The following ITIH5 variants were observed in gnomAD, a reference collection of about 807,000 sequenced individuals.
ITIH5 encodes the protein inter-alpha-trypsin inhibitor heavy chain 5.
A neutral mutation model predicts 77.5 loss-of-function variants in ITIH5; 65 were observed. The observed-to-expected ratio is 0.84, with a 90% confidence interval of 0.69 to 1.03. The LOEUF (loss-of-function observed/expected upper bound fraction) is 1.03. ITIH5 is among the 50% of genes least tolerant of loss of function. The pLI, the probability that ITIH5 is intolerant of heterozygous loss-of-function variation, is 0.00. For synonymous variants in ITIH5, 525 were observed against 494.3 expected (o/e 1.06, Z -0.82); for missense variants, 1,208 against 1,213.1 (o/e 1.00, Z 0.06).
At chr10:7,642,947 G>A (rs1485992804) in intron 2 of ITIH5, among the ~76,000 whole-genome samples, 2 of 152,212 alleles carry the variant, frequency 1.3e-5, no homozygotes, top group Non-Finnish European at 2.9e-5. Context: ...GAATACACAT[G>A]TTGAAGCCCT....
intron 2 of ITIH5, among the ~76,000 whole-genome samples, chr10:7,644,621 TATCACATATATCA>T (rs1156776668): frequency 1.5e-5 from 2 of 131,578 alleles, no homozygotes; most frequent in Non-Finnish European, 3.1e-5. Flanking sequence ...ATCACATATA[TATCACATATATCA>T]CATATATATC....
chr10:7,594,739 G>T (rs1373935825), intron 7 of ITIH5, among the ~76,000 whole-genome samples: 1 of 152,146 alleles, frequency 6.6e-6, no homozygotes, highest in Non-Finnish European at 1.5e-5. Context: ...GAAACCAAGG[G>T]GATGGGGTTA....
At chr10:7,644,371 TATATATCACATATATCACATATATCAC>T (rs71383930) in intron 2 of ITIH5, among the ~76,000 whole-genome samples, 2 of 139,588 alleles carry the variant, frequency 1.4e-5, no homozygotes, top group African/African-American at 2.7e-5. Context: ...ATATATCACA[TATATATCACATATATCACATATATCAC>T]ATATATCACA....
intron 9 of ITIH5, among the ~76,000 whole-genome samples, chr10:7,579,393 T>C (rs113719862): frequency 0.019 from 2,820 of 152,160 alleles, 91 homozygotes; most frequent in African/African-American, 0.066. Context: ...GGCGTGGTGG[T>C]GTGTGACTGT....
At chr10:7,599,020 T>C (rs1832963216) in intron 7 of ITIH5, among the ~76,000 whole-genome samples, 1 of 152,258 alleles carries the variant, frequency 6.6e-6, no homozygotes, top group South Asian at 2.1e-4. Context: ...CTTTGACAAG[T>C]GTATCAAACA....
intron 1 of ITIH5, among the ~76,000 whole-genome samples, chr10:7,659,092 T>G (rs1834234466): frequency 6.6e-6 from 1 of 152,022 alleles, no homozygotes; most frequent in Non-Finnish European, 1.5e-5. Context: ...TAAAATGAGG[T>G]GAGGCTGGGC....
At chr10:7,649,395 C>CT (rs1834058967) in intron 2 of ITIH5, among the ~76,000 whole-genome samples, 2 of 151,474 alleles carry the variant, frequency 1.3e-5, no homozygotes, top group African/African-American at 2.4e-5. Context: ...ACATGTTGTT[C>CT]TTTTTTTACC....
chr10:7,645,894 CAG>C (rs1834002712), intron 2 of ITIH5, among the ~76,000 whole-genome samples: 1 of 152,128 alleles, frequency 6.6e-6, no homozygotes, highest in Non-Finnish European at 1.5e-5. Flanking sequence ...ATGATCTTAA[CAG>C]CATGACAACC....
chr10:7,628,381 C>A (rs1413034076), intron 5 of ITIH5, among the ~76,000 whole-genome samples: 1 of 152,212 alleles, frequency 6.6e-6, no homozygotes, highest in Non-Finnish European at 1.5e-5. Flanking sequence ...ACACATGTGA[C>A]CTTTTCAGTC....
At chr10:7,585,516 C>T (rs1372855033) in intron 8 of ITIH5, among the ~76,000 whole-genome samples, 1 of 152,186 alleles carries the variant, frequency 6.6e-6, no homozygotes, top group Non-Finnish European at 1.5e-5. Context: ...TCCACCTGCC[C>T]CTGCCCAAGG....
At chr10:7,608,432 A>G (rs1833175901) in intron 7 of ITIH5, among the ~76,000 whole-genome samples, 1 of 152,168 alleles carries the variant, frequency 6.6e-6, no homozygotes, top group Non-Finnish European at 1.5e-5. Context: ...GATGTGGGCC[A>G]TCATGCCTGG....
intron 8 of ITIH5, among the ~76,000 whole-genome samples, chr10:7,582,416 A>C (rs1469330458): frequency 1.3e-5 from 2 of 151,756 alleles, no homozygotes; most frequent in Non-Finnish European, 2.9e-5. Context: ...TTACCAAGTA[A>C]AGCAGAGACC....
At chr10:7,640,915 G>C (rs1192228968) in intron 3 of ITIH5, 60 bp from the exon 4 acceptor site, 2 of 1,094,952 alleles carry the variant, frequency 1.8e-6, no homozygotes, top group Non-Finnish European at 2.8e-6. Context: ...TTCAGACATG[G>C]ATCTTATAAC....
In ITIH5 at chr10:7,566,375, G is replaced by A; in HGVS notation, c.2182C>T (p.Pro728Ser). ...VTVNGELIGA[P>S]APPNGHKKQR... ...TTCTTGTGGCCATTTGGAGGGGCGGGTGCCCCAATTAACTCTCCGTTCACT... is the reference window on the plus strand; with the variant it reads ...TTCTTGTGGCCATTTGGAGGGGCGGATGCCCCAATTAACTCTCCGTTCACT... The change falls in exon 13 of 14, where the codon CCC (proline) becomes TCC (serine). Residue 728 changes from proline to serine, a missense_variant. Pro to Ser is a moderately conservative substitution (Grantham distance 74). Transcript: ENST00000397146. The A allele has an allele frequency of 6.2e-7, 1 of 1,602,982 alleles. No individual in the cohort carries two copies. The highest frequency in any genetic ancestry group is 8.5e-7 in the Non-Finnish European group (1 of 1,170,746).
At chr10:7,572,771 CT>C (rs528912890) in intron 11 of ITIH5, 113 of 88,328 alleles carry the variant, frequency 1.3e-3, no homozygotes, top group African/African-American at 3.7e-3. Flanking sequence ...TGGTTTTACA[CT>C]TTTTTTTTTT....
At chr10:7,582,911 A>G (rs915910479) in intron 8 of ITIH5, among the ~76,000 whole-genome samples, 1 of 152,182 alleles carries the variant, frequency 6.6e-6, no homozygotes, top group Admixed American at 6.5e-5. Flanking sequence ...AAGAATGAAG[A>G]CGATCTAGTA....
chr10:7,602,867 T>C (rs1270117508), intron 7 of ITIH5, among the ~76,000 whole-genome samples: 3 of 152,190 alleles, frequency 2.0e-5, no homozygotes, highest in Non-Finnish European at 4.4e-5. Flanking sequence ...TCGTTCTTCC[T>C]TCTTCCACAT....
At chr10:7,563,880 T>C (rs1321477365) in intron 13 of ITIH5, among the ~76,000 whole-genome samples, 2 of 152,230 alleles carry the variant, frequency 1.3e-5, no homozygotes, top group African/African-American at 4.8e-5. Flanking sequence ...AATAAAGAGC[T>C]GTGTCTGCAA....
At chr10:7,642,209 G>A in intron 2 of ITIH5, 119 bp from the exon 3 acceptor site, 2 of 740,072 alleles carry the variant, frequency 2.7e-6, no homozygotes, top group Non-Finnish European at 4.3e-6. Context: ...CCTTTGGCAT[G>A]TGATTCCAAT....
Sources: allele counts gnomAD v4.1 joint callset (sites outside exome capture counted in the v4.1 genomes callset), GRCh38; gene constraint gnomAD v4.1.1; transcripts MANE v1.5; gene names NCBI Gene and HGNC (gene_info 2026-07-23, HGNC 2026-07-21).